PTPRZ1: variants seen among roughly 807,000 people sequenced by gnomAD.
PTPRZ1 encodes the protein protein tyrosine phosphatase receptor type Z1, also known as receptor-type tyrosine-protein phosphatase zeta.
Under a neutral mutation model 214.1 loss-of-function variants are expected in PTPRZ1, and 82 were observed. The observed-to-expected ratio is 0.38, with a 90% CI of 0.32 to 0.46. PTPRZ1 has a LOEUF of 0.46. PTPRZ1 is among the 20% of genes least tolerant of loss of function. PTPRZ1 has a pLI of 1.00. For missense variants in PTPRZ1, 2,603 were observed against 2,748.7 expected (o/e 0.95, Z 1.19); for synonymous variants, 945 against 987.9 (o/e 0.96, Z 0.81).
rs1438065940 is a variant in PTPRZ1, at chr7:122,031,628, C to A, written c.5166+69C>A. The stretch of plus-strand genomic sequence containing the variant: ...AAAATTTAAAAGATTCAGCAATAGG[C>A]TATTTCTTGACCTAAAGACAGTGCA... On this transcript the variant is annotated intron_variant, in intron 15 of 29. Coordinates refer to ENST00000393386, the MANE Select transcript of PTPRZ1 (RefSeq NM_002851.3). 40 of 1,147,490 alleles carry A rather than the reference C, an allele frequency of 3.5e-5. No homozygotes were observed. The East Asian group carries it at 1.0e-3, about 29-fold the overall frequency. The allele number at this position is 1,147,490 out of a possible 1,614,324, so 71.1% of individuals were successfully genotyped here. A position where few individuals can be genotyped will look rare whatever the true frequency, so the allele number is the denominator to read the frequency against.
At chr7:122,007,921 G>A (rs192237088) in intron 11 of PTPRZ1, among the ~76,000 whole-genome samples, 2 of 152,190 alleles carry the variant, frequency 1.3e-5, no homozygotes, top group Admixed American at 1.3e-4. Context: ...TGTTGACATA[G>A]CCAATGTGAC....
intron 1 of PTPRZ1, among the ~76,000 whole-genome samples, chr7:121,875,549 G>C (rs904356517): frequency 6.6e-6 from 1 of 152,194 alleles, no homozygotes; most frequent in Non-Finnish European, 1.5e-5. Flanking sequence ...AAATTTAAGT[G>C]TAAAGAATTT....
At chr7:122,013,973 A>G in intron 12 of PTPRZ1, 84 bp downstream of exon 12, 1 of 1,205,920 alleles carries the variant, frequency 8.3e-7, no homozygotes. Flanking sequence ...AAAGATAGAA[A>G]TTTGGTAAAA....
chr7:122,054,780 A>G (rs1010069203), intron 26 of PTPRZ1, among the ~76,000 whole-genome samples, 161 bp from the exon 27 acceptor site: 1 of 152,114 alleles, frequency 6.6e-6, no homozygotes, highest in Admixed American at 6.6e-5. Context: ...CAGCACATCA[A>G]TCTAGTTGAA....
intron 2 of PTPRZ1, among the ~76,000 whole-genome samples, chr7:121,943,121 G>A (rs1796275802): frequency 6.6e-6 from 1 of 152,062 alleles, no homozygotes; most frequent in Admixed American, 6.6e-5. Flanking sequence ...AGTATGTGAA[G>A]ACACATCAAA....
intron 1 of PTPRZ1, among the ~76,000 whole-genome samples, chr7:121,915,769 G>A: frequency 6.6e-6 from 1 of 152,290 alleles, no homozygotes; most frequent in South Asian, 2.1e-4. Context: ...ACTTCAGAAA[G>A]ATATGATCAC....
At chr7:121,934,460 C>T (rs1796013541) in intron 2 of PTPRZ1, among the ~76,000 whole-genome samples, 1 of 131,348 alleles carries the variant, frequency 7.6e-6, no homozygotes. Flanking sequence ...TGCACTCTAG[C>T]CTGGGCAACA....
At chr7:122,051,355 A>C (rs1008935506) in intron 23 of PTPRZ1, 73 bp from the exon 24 acceptor site, 7 of 945,576 alleles carry the variant, frequency 7.4e-6, no homozygotes, top group Middle Eastern at 2.2e-4. Flanking sequence ...GTGTGTCTGT[A>C]TGTATGTGTG....
chr7:121,887,299 T>C (rs547783079), intron 1 of PTPRZ1, among the ~76,000 whole-genome samples: 2 of 152,188 alleles, frequency 1.3e-5, no homozygotes, highest in South Asian at 4.1e-4. Context: ...ACTTGAAAAA[T>C]AGAAAATACA....
intron 2 of PTPRZ1, among the ~76,000 whole-genome samples, chr7:121,933,057 CA>C (rs1795971729): frequency 6.7e-6 from 1 of 149,914 alleles, no homozygotes; most frequent in African/African-American, 2.5e-5. Context: ...CTTTCTGTAA[CA>C]ACTTCATTTC....
At chr7:121,931,849 T>C (rs1301929988) in intron 2 of PTPRZ1, among the ~76,000 whole-genome samples, 1 of 152,130 alleles carries the variant, frequency 6.6e-6, no homozygotes, top group Non-Finnish European at 1.5e-5. Flanking sequence ...GCTCATAACC[T>C]AAGGCCTATT....
At chr7:121,985,138 A>G (rs935027319) in intron 8 of PTPRZ1, among the ~76,000 whole-genome samples, 5 of 152,210 alleles carry the variant, frequency 3.3e-5, no homozygotes, top group Non-Finnish European at 5.9e-5. Flanking sequence ...ATTCAAGACA[A>G]CAGTGATGAA....
At chr7:121,962,449 AAAT>A (rs144574732) in intron 2 of PTPRZ1, among the ~76,000 whole-genome samples, 3,646 of 148,410 alleles carry the variant, frequency 0.025, 111 homozygotes, top group African/African-American at 0.078. Context: ...CTCTGTCTCA[AAAT>A]AATAATAATA....
At chr7:122,010,218 T>C (rs1798604165) in intron 11 of PTPRZ1, 116 bp from the exon 12 acceptor site, 5 of 982,300 alleles carry the variant, frequency 5.1e-6, no homozygotes, top group Non-Finnish European at 6.0e-6. Context: ...AATGGTGTTT[T>C]ATGAGGATGA....
At chr7:121,941,653 GATT>G (rs1447851461) in intron 2 of PTPRZ1, among the ~76,000 whole-genome samples, 1 of 152,146 alleles carries the variant, frequency 6.6e-6, no homozygotes, top group Non-Finnish European at 1.5e-5. Flanking sequence ...TTTATTCCAG[GATT>G]ATTAAGAGAT....
intron 26 of PTPRZ1, 122 bp downstream of exon 26, chr7:122,054,160 T>C: frequency 9.3e-7 from 1 of 1,075,008 alleles, no homozygotes; most frequent in Non-Finnish European, 1.3e-6. Flanking sequence ...ACTAATGTCA[T>C]TGAAGGCATA....
intron 10 of PTPRZ1, among the ~76,000 whole-genome samples, chr7:122,000,646 C>T (rs1393825421): frequency 3.9e-5 from 2 of 51,684 alleles, no homozygotes; most frequent in African/African-American, 8.7e-5. Context: ...TGATAGATTT[C>T]ATATATATAT....
At chr7:122,051,557 T>A (rs1054676872) in intron 24 of PTPRZ1, 36 bp downstream of exon 24, 2 of 1,536,038 alleles carry the variant, frequency 1.3e-6, no homozygotes, top group Non-Finnish European at 8.9e-7. Context: ...ACAACTTTTT[T>A]AAAATAATAA....
chr7:122,023,557 ATT>A (rs1491165569), intron 13 of PTPRZ1, among the ~76,000 whole-genome samples: 2 of 121,142 alleles, frequency 1.7e-5, no homozygotes, highest in Non-Finnish European at 3.3e-5. Context: ...AATTATATAT[ATT>A]ATATGTATAA....
Sources: allele counts gnomAD v4.1 joint callset (sites outside exome capture counted in the v4.1 genomes callset), GRCh38; gene constraint gnomAD v4.1.1; transcripts MANE v1.5; gene names NCBI Gene and HGNC (gene_info 2026-07-23, HGNC 2026-07-21).